The following DAAM2 variants were observed in gnomAD, a reference collection of about 807,000 sequenced individuals.
DAAM2 encodes the protein dishevelled associated activator of morphogenesis 2.
A neutral mutation model predicts 120.7 loss-of-function variants in DAAM2; 39 were observed. The observed-to-expected ratio is 0.32, with a 90% CI of 0.25 to 0.42. The LOEUF (loss-of-function observed/expected upper bound fraction) is 0.42. Ranked by LOEUF, DAAM2 falls within the 10% of genes least tolerant of loss-of-function variation. DAAM2 has a pLI of 1.00. For missense variants in DAAM2, 1,283 were observed against 1,401.7 expected, an observed-to-expected ratio of 0.92 and a Z score of 1.35; for synonymous variants, 488 against 524.9, an observed-to-expected ratio of 0.93 and a Z score of 0.96.
chr6:39,887,533 C>G lies in DAAM2; in HGVS notation c.2001C>G (p.Val667=), dbSNP rs1482560540. The change falls in exon 16 of 25, where the codon GTC becomes GTG. Residue 667 remains valine, a synonymous_variant. Coordinates refer to ENST00000274867, the MANE Select transcript of DAAM2 (RefSeq NM_001201427.2). ...ACATCTACCTGGCTTCCCGCAAGGT[C>G]AAAGAGCTGTCGGTCATTGATGGCC... The part of the protein sequence containing the change: ...TEDIYLASRK[V]KELSVIDGRR... 6.2e-7 allele frequency: 1 copy of G among 1,613,812 alleles called. No individual in the cohort carries two copies.
intron 1 of DAAM2, among the ~76,000 whole-genome samples, chr6:39,803,235 G>T (rs1761919531): frequency 6.6e-6 from 1 of 152,162 alleles, no homozygotes; most frequent in Non-Finnish European, 1.5e-5. Flanking sequence ...GCATGCATAT[G>T]TTCAGCTTTA....
At chr6:39,891,102 A>AG (rs1254435514) in intron 17 of DAAM2, among the ~76,000 whole-genome samples, 4 of 151,574 alleles carry the variant, frequency 2.6e-5, no homozygotes, top group East Asian at 1.9e-4. Flanking sequence ...AAAAAAAAAA[A>AG]AAAGAAAGAA....
chr6:39,837,955 G>A (rs1219961032), intron 1 of DAAM2, among the ~76,000 whole-genome samples: 1 of 152,194 alleles, frequency 6.6e-6, no homozygotes, highest in Non-Finnish European at 1.5e-5. Context: ...CTCCCTGTGG[G>A]ATGGACCTCC....
intron 1 of DAAM2, among the ~76,000 whole-genome samples, chr6:39,845,450 C>A (rs1763547476): frequency 7.1e-6 from 1 of 141,660 alleles, no homozygotes; most frequent in South Asian, 2.5e-4. Flanking sequence ...CGCACACATA[C>A]CACAAATATA....
chr6:39,873,557 G>A (rs985863201), intron 10 of DAAM2, among the ~76,000 whole-genome samples: 2 of 152,206 alleles, frequency 1.3e-5, no homozygotes, highest in African/African-American at 2.4e-5. Flanking sequence ...GTCATCTGGG[G>A]AAGGAGCTGG....
chr6:39,831,408 T>C (rs560221441), intron 1 of DAAM2, among the ~76,000 whole-genome samples: 1 of 152,204 alleles, frequency 6.6e-6, no homozygotes, highest in South Asian at 2.1e-4. Context: ...TCACTGTACC[T>C]GACTCACTAA....
Position 39,903,486 on chromosome 6 carries a change from A to T in DAAM2, c.*1449A>T, listed in dbSNP as rs1766603431. 1 of 152,092 alleles carries T rather than the reference A, an allele frequency of 6.6e-6. No individual in the cohort carries two copies. Among genetic ancestry groups the T allele is most frequent in the East Asian group, 1.9e-4 (1 of 5,174 alleles). The allele number at this position is 152,092 out of a possible 1,614,324, so 9.4% of individuals were successfully genotyped here. A position where few individuals can be genotyped will look rare whatever the true frequency, so the allele number is the denominator to read the frequency against. ...GATGGGATGGCTGTATCTAGACAAA[A>T]TTTTTCTAAAACTCCATCAAGGCTC... On this transcript the variant is annotated 3_prime_UTR_variant, in exon 25 of 25. Transcript: ENST00000274867.
At chr6:39,856,129 C>A in intron 1 of DAAM2, 118 bp from the exon 2 acceptor site, 1 of 1,257,326 alleles carries the variant, frequency 8.0e-7, no homozygotes, top group Non-Finnish European at 1.0e-6. Flanking sequence ...TGGGGCTTTG[C>A]TATTGGGTTG....
At chr6:39,802,533 TG>T (rs1761895362) in intron 1 of DAAM2, among the ~76,000 whole-genome samples, 1 of 152,096 alleles carries the variant, frequency 6.6e-6, no homozygotes. Flanking sequence ...ATGATGATGG[TG>T]GTGGTGGTGG....
At chr6:39,866,320 T>C (rs1265835893) in intron 5 of DAAM2, among the ~76,000 whole-genome samples, 2 of 152,214 alleles carry the variant, frequency 1.3e-5, no homozygotes, top group Non-Finnish European at 2.9e-5. Flanking sequence ...ATATTGTCAT[T>C]GTGGAAATTT....
intron 1 of DAAM2, among the ~76,000 whole-genome samples, chr6:39,830,741 G>T (rs1027879130): frequency 3.3e-5 from 5 of 152,148 alleles, no homozygotes; most frequent in African/African-American, 1.2e-4. Flanking sequence ...GTGGCGAGGG[G>T]CTCCAGCTGC....
rs1224754906 is a variant in DAAM2 at position 39,878,915 on chromosome 6, T to C, written c.1546-263T>C. On this transcript the variant is annotated intron_variant, in intron 13 of 24. Coordinates refer to ENST00000274867, the MANE Select transcript of DAAM2 (RefSeq NM_001201427.2). This position sits in a 1 kb window ranked among gnomAD's most constrained non-coding sequence, Gnocchi z 5.0. Reference sequence around the variant, plus strand: ...ACAACTGCATAGATCAGTCCTGCTGTTGCATTGTGATGGCTATGACTCTGA... The same window carrying C: ...ACAACTGCATAGATCAGTCCTGCTGCTGCATTGTGATGGCTATGACTCTGA... 6.6e-6 allele frequency among the ~76,000 whole-genome samples: 1 copy of C among 152,148 alleles called. No individual in the cohort carries two copies. The highest frequency in any genetic ancestry group is 1.5e-5 in the Non-Finnish European group (1 of 68,022).
At chr6:39,863,261 C>G (rs1344269126) in intron 3 of DAAM2, among the ~76,000 whole-genome samples, 1 of 152,048 alleles carries the variant, frequency 6.6e-6, no homozygotes, top group East Asian at 1.9e-4. Context: ...TTTGCCGACA[C>G]AATTGTTTTT....
intron 1 of DAAM2, among the ~76,000 whole-genome samples, chr6:39,811,179 GTGTGTGTGTGTGTGTGT>G (rs1762149853): frequency 2.2e-5 from 1 of 45,358 alleles, no homozygotes; most frequent in East Asian, 4.5e-4. Flanking sequence ...AAGGGAGTGT[GTGTGTGTGTGTGTGTGT>G]GTGTGTGTGT....
intron 2 of DAAM2, among the ~76,000 whole-genome samples, chr6:39,858,992 C>T (rs1255112669): frequency 6.6e-6 from 1 of 152,160 alleles, no homozygotes; most frequent in African/African-American, 2.4e-5. Context: ...ACCGAGCAGT[C>T]AGCAGTCAGT....
Position 39,871,497 on chromosome 6 carries a change from T to C in DAAM2, c.978-9T>C, listed in dbSNP as rs758301328. ...ATGTCTACTCTCTCTGTCTCCCCATTCTGTCTAGACATTTAGACTTCTTCG... is the reference window on the plus strand; with the variant it reads ...ATGTCTACTCTCTCTGTCTCCCCATCCTGTCTAGACATTTAGACTTCTTCG... On this transcript the variant is annotated splice_polypyrimidine_tract_variant and intron_variant, in intron 8 of 24. Transcript: ENST00000274867. 24 of 1,550,664 alleles carry C rather than the reference T, an allele frequency of 1.5e-5. No individual in the cohort carries two copies. In the Admixed American group the frequency reaches 4.5e-4, roughly 29 times the overall value.
Position 39,891,370 on chromosome 6 carries a change from C to T in DAAM2, c.2175C>T (p.Asp725=), listed in dbSNP as rs1366694680. ...QLLKFIPEKS[D]IDLLEEHKHE... is the part of the protein sequence containing the mutation. ...TCAAGTTCATCCCAGAGAAGAGTGA[C>T]ATTGACCTCCTGGAGGAGCACAAGC... Residue 725 remains aspartate (D), a synonymous_variant, in exon 18 of 25, where the codon GAC becomes GAT. Transcript: ENST00000274867. The T allele has an allele frequency of 8.1e-6, 13 of 1,610,734 alleles. No homozygotes were observed. Among genetic ancestry groups the T allele is most frequent in the Non-Finnish European group, 1.0e-5 (12 of 1,178,382 alleles).
At chr6:39,887,757 G>A in intron 16 of DAAM2, 165 bp downstream of exon 16, 4 of 568,778 alleles carry the variant, frequency 7.0e-6, no homozygotes, top group Non-Finnish European at 1.3e-5. Context: ...GCAGTTTGGG[G>A]CTCTGCAGGC....
intron 1 of DAAM2, among the ~76,000 whole-genome samples, chr6:39,828,568 G>A (rs141121860): frequency 2.9e-3 from 307 of 106,886 alleles, no homozygotes; most frequent in Non-Finnish European, 4.5e-3. Flanking sequence ...ACCCCCCTCC[G>A]TCTTTTTTTT....
Sources: allele counts gnomAD v4.1 joint callset (sites outside exome capture counted in the v4.1 genomes callset), GRCh38; gene constraint gnomAD v4.1.1; non-coding constraint Gnocchi (gnomAD v3.1); transcripts MANE v1.5; gene names NCBI Gene and HGNC (gene_info 2026-07-23, HGNC 2026-07-21).